The following NEK10 variants were observed in gnomAD, a reference collection of about 807,000 sequenced individuals.
The protein encoded by NEK10 is serine/threonine-protein kinase Nek10.
A neutral mutation model predicts 159.8 loss-of-function variants in NEK10; 122 were observed. The ratio of observed to expected loss-of-function variants is 0.76; its 90% confidence interval spans 0.66 to 0.89. The LOEUF is 0.89. Among genes scored for constraint, NEK10 ranks in the 40% least tolerant of loss-of-function variants. The pLI is 0.00. For missense variants in NEK10, 1,342 were observed against 1,323.1 expected, an observed-to-expected ratio of 1.01 and a Z score of -0.22; for synonymous variants, 466 against 457.1, an observed-to-expected ratio of 1.02 and a Z score of -0.25.
Position 27,256,352 on chromosome 3 carries a change from C to T in NEK10, c.2034G>A (p.Lys678=), listed in dbSNP as rs778365293. The change falls in exon 23 of 36, where the codon AAG becomes AAA. Residue 678 remains lysine (K), a synonymous_variant. Coordinates refer to ENST00000691995, the MANE Select transcript of NEK10 (RefSeq NM_001394966.1). ...KVTVTDFGLA[K]QKQENSKLTS... is the part of the protein sequence containing the mutation. The stretch of plus-strand genomic sequence containing the variant: ...TGAGTTTACTGTTTTCTTGTTTTTG[C>T]TTTGCCAGGCCAAAGTCAGCTACAA... 4 of 1,574,724 alleles carry T rather than the reference C, an allele frequency of 2.5e-6. No individual in the cohort carries two copies. Among genetic ancestry groups the T allele is most frequent in the South Asian group, 2.4e-5 (2 of 84,734 alleles).
intron 4 of NEK10, among the ~76,000 whole-genome samples, 189 bp from the exon 5 acceptor site, chr3:27,344,559 TTAAAA>T (rs2047421802): frequency 6.6e-6 from 1 of 152,292 alleles, no homozygotes; most frequent in South Asian, 2.1e-4. Flanking sequence ...CTATCAGCTG[TTAAAA>T]TAAGAAGTAG....
rs143746702 is a variant in NEK10, at chr3:27,288,256, C to T, written c.1744-513G>A. On this transcript the variant is annotated intron_variant, in intron 19 of 35. Coordinates refer to ENST00000691995, the MANE Select transcript of NEK10 (RefSeq NM_001394966.1). ...GTAGAAAATAACATAATCTAAGAGT[C>T]GACTCAGTTTAAGTCATAATAACAG... Among the ~76,000 whole-genome samples, 586 of 152,240 alleles carry T rather than the reference C, an allele frequency of 3.8e-3. 7 individuals are homozygous for T. The highest frequency in any genetic ancestry group is 0.013 in the African/African-American group (536 of 41,544).
At chr3:27,266,657 C>A (rs548228142) in intron 22 of NEK10, among the ~76,000 whole-genome samples, 1 of 152,176 alleles carries the variant, frequency 6.6e-6, no homozygotes, top group African/African-American at 2.4e-5. Flanking sequence ...TCCCTTTCAG[C>A]ATCAAATCCA....
At chr3:27,288,322 C>T (rs1267455407) in intron 19 of NEK10, among the ~76,000 whole-genome samples, 4 of 152,174 alleles carry the variant, frequency 2.6e-5, no homozygotes, top group Admixed American at 1.3e-4. Flanking sequence ...TAGTCAGGCT[C>T]CTCTGAGTCC....
intron 22 of NEK10, among the ~76,000 whole-genome samples, chr3:27,280,466 G>T (rs1418146805): frequency 6.6e-6 from 1 of 152,062 alleles, no homozygotes; most frequent in East Asian, 1.9e-4. Context: ...ATTTTTCAAA[G>T]AAATAAACCA....
intron 5 of NEK10, among the ~76,000 whole-genome samples, chr3:27,327,625 A>C (rs2046100584): frequency 6.6e-6 from 1 of 152,210 alleles, no homozygotes. Flanking sequence ...TCCAAGTAAA[A>C]AGTCAGTCCA....
At position 27,167,595 on chromosome 3, in the gene NEK10, T is replaced by C. The variant is rs1333301885; in HGVS notation, c.2831+4224A>G. The stretch of plus-strand genomic sequence containing the variant: ...GCTGGATTAGAATCCTCAATGTGTA[T>C]ATACTAGGTCAGCCTATGAAACTCG... On this transcript the variant is annotated intron_variant, in intron 29 of 35. Transcript: ENST00000691995. Among the ~76,000 whole-genome samples the C allele has an allele frequency of 2.6e-5, 4 of 152,326 alleles. No individual in the cohort carries two copies. The East Asian group carries it at 5.8e-4, about 22-fold the overall frequency.
intron 23 of NEK10, among the ~76,000 whole-genome samples, chr3:27,236,837 T>C (rs1175144259): frequency 2.0e-5 from 3 of 152,142 alleles, no homozygotes; most frequent in African/African-American, 7.2e-5. Flanking sequence ...TTGATAAACA[T>C]CTTAAACAAC....
intron 11 of NEK10, among the ~76,000 whole-genome samples, chr3:27,305,633 A>G (rs2044188125): frequency 1.3e-5 from 2 of 151,466 alleles, no homozygotes; most frequent in African/African-American, 4.8e-5. Flanking sequence ...AAAAAAAATA[A>G]TAATAATAAA....
intron 28 of NEK10, among the ~76,000 whole-genome samples, chr3:27,173,603 C>G (rs1559551179): frequency 6.6e-6 from 1 of 152,078 alleles, no homozygotes; most frequent in Non-Finnish European, 1.5e-5. Context: ...TAGCTAAATC[C>G]TTAGGGTTCT....
At chr3:27,344,046 A>G (rs368862957) in intron 5 of NEK10, among the ~76,000 whole-genome samples, 3 of 152,206 alleles carry the variant, frequency 2.0e-5, no homozygotes, top group Admixed American at 6.5e-5. Context: ...AGAAAACATG[A>G]TAACGAGTGT....
intron 23 of NEK10, among the ~76,000 whole-genome samples, chr3:27,210,423 C>A (rs541895529): frequency 6.6e-6 from 1 of 152,108 alleles, no homozygotes; most frequent in Non-Finnish European, 1.5e-5. Context: ...CATGATCTAG[C>A]GATCTCTTAA....
chr3:27,185,186 C>T lies in NEK10; in HGVS notation c.2505+6843G>A, dbSNP rs536708891. Among the ~76,000 whole-genome samples the T allele has an allele frequency of 2.0e-4, 31 of 152,240 alleles. 1 individual carries two copies. In the South Asian group the frequency reaches 5.2e-3, roughly 25 times the overall value. On this transcript the variant is annotated intron_variant, in intron 26 of 35. Transcript: ENST00000691995. ...CTAATAATTGCTCTACCAGCCTGCT[C>T]CTCCAAAGTAGATGGAATTTAAGAT...
At chr3:27,126,507 T>C (rs1941962870) in intron 32 of NEK10, among the ~76,000 whole-genome samples, 1 of 152,076 alleles carries the variant, frequency 6.6e-6, no homozygotes, top group Admixed American at 6.6e-5. Flanking sequence ...TACCATAAGT[T>C]CACAGTGGGC....
intron 25 of NEK10, among the ~76,000 whole-genome samples, chr3:27,199,377 T>C (rs910616366): frequency 2.6e-5 from 4 of 152,164 alleles, no homozygotes; most frequent in African/African-American, 9.7e-5. Flanking sequence ...TACTGATCAT[T>C]ACATAAATGC....
intron 22 of NEK10, among the ~76,000 whole-genome samples, chr3:27,275,534 C>T (rs915651161): frequency 2.0e-5 from 3 of 152,116 alleles, no homozygotes; most frequent in Admixed American, 6.6e-5. Context: ...GTACTCAAGT[C>T]GTGTCAGCTC....
chr3:27,274,678 T>C (rs987219089), intron 22 of NEK10, among the ~76,000 whole-genome samples: 4 of 151,730 alleles, frequency 2.6e-5, no homozygotes, highest in African/African-American at 7.3e-5. Context: ...CACACACACA[T>C]ACTGTGTGTG....
intron 7 of NEK10, among the ~76,000 whole-genome samples, chr3:27,312,808 T>A (rs886900089): frequency 6.6e-6 from 1 of 152,132 alleles, no homozygotes; most frequent in African/African-American, 2.4e-5. Flanking sequence ...TTAAATGAGG[T>A]ACACCTCTAG....
chr3:27,184,634 C>T (rs1390240165), intron 26 of NEK10, among the ~76,000 whole-genome samples: 2 of 152,162 alleles, frequency 1.3e-5, no homozygotes, highest in Non-Finnish European at 2.9e-5. Context: ...TAAGGCATTG[C>T]TTTATTTTCA....
Sources: gnomAD v4.1 joint callset for allele counts (sites outside exome capture counted in the v4.1 genomes callset) on GRCh38, gnomAD v4.1.1 for gene constraint, MANE v1.5 for transcripts, NCBI Gene and HGNC (gene_info 2026-07-23, HGNC 2026-07-21) for gene names.